The following WDR41 variants were observed in gnomAD, a reference collection of about 807,000 sequenced individuals.
The protein encoded by WDR41 is WD repeat-containing protein 41.
A neutral mutation model predicts 69.3 loss-of-function variants in WDR41; 63 were observed. The observed-to-expected ratio is 0.91, with a 90% CI of 0.74 to 1.12. The LOEUF is 1.12. Ranked by LOEUF, WDR41 falls within the 50% of genes most tolerant of loss-of-function variation. WDR41 has a pLI of 0.00. For missense variants in WDR41, 543 were observed against 534.5 expected (o/e 1.02, Z -0.16); for synonymous variants, 185 against 192.1 (o/e 0.96, Z 0.31).
rs925336049 is a variant in WDR41, at chr5:77,574,881, C to T, written c.42+45598G>A. 2.0e-5 allele frequency among the ~76,000 whole-genome samples: 3 copies of T among 152,160 alleles called. No homozygotes were observed. The East Asian group carries it at 5.8e-4, about 29-fold the overall frequency. On this transcript the variant is annotated intron_variant, in intron 1 of 5. Coordinates refer to the WDR41 transcript ENST00000509971. ...GAAAGTCCAGGTTCTTGTCTTCCTACAACTTTGTCTAAACATAAAGGACAT... is the reference window on the plus strand; with the variant it reads ...GAAAGTCCAGGTTCTTGTCTTCCTATAACTTTGTCTAAACATAAAGGACAT...
chr5:77,435,126 G>A (rs1798889876), intron 12 of WDR41, among the ~76,000 whole-genome samples: 1 of 152,082 alleles, frequency 6.6e-6, no homozygotes, highest in African/African-American at 2.4e-5. Context: ...CACAGTCCAT[G>A]CTCACCTCCC....
rs1054008319 is a variant in WDR41, at chr5:77,430,972, G to C, written c.*2163C>G. On this transcript the variant is annotated 3_prime_UTR_variant, in exon 13 of 13. Coordinates refer to ENST00000296679, the MANE Select transcript of WDR41 (RefSeq NM_018268.4). ...CTCATGATCAAACTTTAATAGATGA[G>C]AAGTTGCTTAAGAATGTGTATAGAA... 1 of 152,156 alleles carries C rather than the reference G, an allele frequency of 6.6e-6. No homozygotes were observed. The highest frequency in any genetic ancestry group is 2.4e-5 in the African/African-American group (1 of 41,436). The allele number at this position is 152,156 out of a possible 1,614,324, so 9.4% of individuals were successfully genotyped here.
intron 9 of WDR41, 43 bp downstream of exon 9, chr5:77,440,770 A>G (rs1799125936): frequency 6.3e-7 from 1 of 1,588,074 alleles, no homozygotes; most frequent in Non-Finnish European, 8.6e-7. Context: ...ATTGGGTTAT[A>G]TATGTCAAAG....
chr5:77,546,224 C>T, intron 1 of WDR41: 1 of 397,774 alleles, frequency 2.5e-6, no homozygotes, highest in Non-Finnish European at 4.5e-6. Context: ...ACTCTAGAGT[C>T]TCCGTGCAAA....
rs1003301903 is a variant in WDR41, at chr5:77,529,949, G to T, written c.43-40377C>A. ...GGCAGCATGGGATAATATTAGTTTG[G>T]AAAACACTAACCATAGAAATGACTG... On this transcript the variant is annotated intron_variant, in intron 1 of 5. Coordinates refer to the WDR41 transcript ENST00000509971. 3.3e-5 allele frequency among the ~76,000 whole-genome samples: 5 copies of T among 151,448 alleles called. No homozygotes were observed. In the East Asian group the frequency reaches 9.6e-4, roughly 29 times the overall value.
At chr5:77,600,022 T>C (rs1351198508) in intron 1 of WDR41, among the ~76,000 whole-genome samples, 2 of 152,154 alleles carry the variant, frequency 1.3e-5, no homozygotes, top group East Asian at 1.9e-4. Context: ...ATCATGGCAT[T>C]CTCCTTCCTC....
chr5:77,490,710 T>TA (rs755783255), intron 1 of WDR41, among the ~76,000 whole-genome samples: 1 of 152,172 alleles, frequency 6.6e-6, no homozygotes, highest in African/African-American at 2.4e-5. Context: ...AATGAAAACT[T>TA]GCCAGGAATG....
intron 2 of WDR41, among the ~76,000 whole-genome samples, chr5:77,465,984 T>G (rs1051754806): frequency 6.6e-6 from 1 of 152,012 alleles, no homozygotes; most frequent in African/African-American, 2.4e-5. Context: ...ATTCCAATAC[T>G]CAGTTCTTAT....
chr5:77,464,045 T>TA (rs10667562), intron 3 of WDR41, among the ~76,000 whole-genome samples: 40 of 148,600 alleles, frequency 2.7e-4, no homozygotes, highest in African/African-American at 4.2e-4. Flanking sequence ...AGTATTTATT[T>TA]AAAAAAAAAA....
intron 8 of WDR41, 66 bp downstream of exon 8, chr5:77,449,694 G>T: frequency 1.0e-6 from 1 of 1,001,420 alleles, no homozygotes; most frequent in South Asian, 1.4e-5. Context: ...AGCAAGGCTC[G>T]TGTTCAGAGC....
At chr5:77,551,318 T>G (rs1743290775) in intron 1 of WDR41, among the ~76,000 whole-genome samples, 1 of 152,256 alleles carries the variant, frequency 6.6e-6, no homozygotes, top group South Asian at 2.1e-4. Flanking sequence ...TCATGTTAGA[T>G]TTTGATAAAT....
Position 77,432,808 on chromosome 5 carries a change from A to G in WDR41, c.*327T>C, listed in dbSNP as rs567154058. The G allele has an allele frequency of 1.5e-4, 28 of 182,082 alleles. 1 individual carries two copies. In the South Asian group the frequency reaches 4.4e-3, roughly 28 times the overall value. The allele number at this position is 182,082 out of a possible 1,614,324, so 11.3% of individuals were successfully genotyped here. ...AGGAAGCCAAATAATAAAACTTCTA[A>G]TAAATGCCATAACTTAACTATTACC... On this transcript the variant is annotated 3_prime_UTR_variant, in exon 13 of 13. Coordinates refer to ENST00000296679, the MANE Select transcript of WDR41 (RefSeq NM_018268.4).
intron 1 of WDR41, among the ~76,000 whole-genome samples, chr5:77,531,895 A>G (rs1802533862): frequency 6.6e-6 from 1 of 152,072 alleles, no homozygotes; most frequent in African/African-American, 2.4e-5. Flanking sequence ...AAATATCCAA[A>G]AGAGGTTAAT....
At chr5:77,453,461 T>C (rs1438077121) in intron 6 of WDR41, among the ~76,000 whole-genome samples, 2 of 152,150 alleles carry the variant, frequency 1.3e-5, no homozygotes, top group Non-Finnish European at 2.9e-5. Flanking sequence ...TAAGGACAAT[T>C]GTAAAAAGAG....
At chr5:77,541,242 TAAAC>T (rs1359093461) in intron 1 of WDR41, among the ~76,000 whole-genome samples, 2 of 151,876 alleles carry the variant, frequency 1.3e-5, no homozygotes, top group South Asian at 4.2e-4. Context: ...ACAAGGAACT[TAAAC>T]AAATTTACAA....
At chr5:77,508,704 G>C (rs550734163) in intron 1 of WDR41, among the ~76,000 whole-genome samples, 1 of 152,242 alleles carries the variant, frequency 6.6e-6, no homozygotes, top group African/African-American at 2.4e-5. Context: ...TTTGACACTA[G>C]ATACTTATTT....
At position 77,433,213 on chromosome 5, in the gene WDR41, T is replaced by C. The variant is rs562922528; in HGVS notation, c.1302A>G (p.Gly434=). 3 of 1,614,090 alleles carry C rather than the reference T, an allele frequency of 1.9e-6. No homozygotes were observed. The highest frequency in any genetic ancestry group is 1.1e-5 in the South Asian group (1 of 91,070). ...ADHLIILWKN[G]ERESGLRSLR... is the part of the protein sequence containing the mutation. Reference sequence around the variant, plus strand: ...AACTGCGCAATCCAGATTCTCGCTCTCCATTTTTCCACAAAATAATGAGAT... The same window carrying C: ...AACTGCGCAATCCAGATTCTCGCTCCCCATTTTTCCACAAAATAATGAGAT... The change falls in exon 13 of 13, where the codon GGA becomes GGG. Residue 434 remains glycine, a synonymous_variant. Coordinates refer to ENST00000296679, the MANE Select transcript of WDR41 (RefSeq NM_018268.4).
At chr5:77,541,319 A>C (rs541838365) in intron 1 of WDR41, among the ~76,000 whole-genome samples, 1 of 152,144 alleles carries the variant, frequency 6.6e-6, no homozygotes, top group African/African-American at 2.4e-5. Flanking sequence ...TTCTCAAAAG[A>C]AGACATACAT....
intron 10 of WDR41, among the ~76,000 whole-genome samples, chr5:77,437,987 A>C (rs554958392): frequency 7.9e-5 from 12 of 152,344 alleles, no homozygotes; most frequent in Non-Finnish European, 1.5e-5. Flanking sequence ...GTTGTTAAAT[A>C]CCAAATTTTA....
Sources: gnomAD v4.1 joint callset for allele counts (sites outside exome capture counted in the v4.1 genomes callset) on GRCh38, gnomAD v4.1.1 for gene constraint, MANE v1.5 for transcripts, NCBI Gene and HGNC (gene_info 2026-07-23, HGNC 2026-07-21) for gene names.